The following NHSL1 variants were observed in gnomAD, a reference collection of about 807,000 sequenced individuals.
NHSL1 encodes the protein NHS-like protein 1.
A neutral mutation model predicts 95.0 loss-of-function variants in NHSL1; 48 were observed. That is an observed-to-expected ratio of 0.51 (90% confidence interval 0.40 to 0.64). The LOEUF (loss-of-function observed/expected upper bound fraction) is 0.64, where lower values mean the gene tolerates loss of function less well. Ranked by LOEUF, NHSL1 falls within the 30% of genes least tolerant of loss-of-function variation. The pLI is 0.00. For synonymous variants in NHSL1, 783 were observed against 833.9 expected, an observed-to-expected ratio of 0.94 and a Z score of 1.05; for missense variants, 1,971 against 2,077.7, an observed-to-expected ratio of 0.95 and a Z score of 1.00.
At chr6:138,435,929 T>G (rs1776065579) in intron 5 of NHSL1, among the ~76,000 whole-genome samples, 1 of 152,156 alleles carries the variant, frequency 6.6e-6, no homozygotes, top group South Asian at 2.1e-4. Flanking sequence ...ATTACTATTG[T>G]AATTGTTTTG....
intron 1 of NHSL1, among the ~76,000 whole-genome samples, chr6:138,658,825 C>T (rs1297759652): frequency 1.3e-5 from 2 of 152,092 alleles, no homozygotes; most frequent in Non-Finnish European, 2.9e-5. Flanking sequence ...AAAGGAATTT[C>T]TTGGAGCTAG....
At chr6:138,640,451 C>T (rs368907572) in intron 1 of NHSL1, among the ~76,000 whole-genome samples, 7 of 152,172 alleles carry the variant, frequency 4.6e-5, no homozygotes, top group Non-Finnish European at 8.8e-5. Flanking sequence ...AGATTTTCTT[C>T]GGCCTCTGCC....
chr6:138,610,288 C>T (rs1019691774), intron 1 of NHSL1, among the ~76,000 whole-genome samples: 2 of 152,086 alleles, frequency 1.3e-5, no homozygotes, highest in Middle Eastern at 3.4e-3. Context: ...ACTATCGCAA[C>T]GACAAACAAC....
chr6:138,531,912 G>A (rs1041028211), intron 1 of NHSL1, among the ~76,000 whole-genome samples: 4 of 152,094 alleles, frequency 2.6e-5, no homozygotes, highest in African/African-American at 9.7e-5. Flanking sequence ...CAACATTTAT[G>A]TGCTTCTTGG....
intron 5 of NHSL1, among the ~76,000 whole-genome samples, chr6:138,436,951 C>T (rs986051457): frequency 1.3e-5 from 2 of 151,736 alleles, no homozygotes; most frequent in African/African-American, 4.8e-5. Context: ...ATCTACTGCT[C>T]AGAAAAAAAA....
In NHSL1 at chr6:138,568,032, A is replaced by G. The variant is rs141718489; in HGVS notation, c.202+3678T>C. On this transcript the variant is annotated intron_variant, in intron 1 of 6. Transcript: ENST00000427025. ...TCTTTTAGTTTTATTTGAGTGAGCA[A>G]GAAAGGGAAAGCACAGAATAAATAC... is the stretch of plus-strand genomic sequence containing the variant. Among the ~76,000 whole-genome samples the G allele has an allele frequency of 1.9e-3, 295 of 152,326 alleles. 2 individuals carry two copies. Among genetic ancestry groups the G allele is most frequent in the African/African-American group, 6.9e-3 (285 of 41,566 alleles).
At chr6:138,466,561 T>C (rs1562299092) in intron 3 of NHSL1, among the ~76,000 whole-genome samples, 1 of 152,184 alleles carries the variant, frequency 6.6e-6, no homozygotes, top group Non-Finnish European at 1.5e-5. Flanking sequence ...TATGCCACTT[T>C]CTAACAGAGC....
At chr6:138,644,728 G>C (rs1784995366) in intron 1 of NHSL1, among the ~76,000 whole-genome samples, 1 of 152,108 alleles carries the variant, frequency 6.6e-6, no homozygotes, top group Non-Finnish European at 1.5e-5. Context: ...CAAAATGAAG[G>C]AGACAAACGA....
intron 4 of NHSL1, among the ~76,000 whole-genome samples, chr6:138,442,975 G>C (rs1188147774): frequency 6.6e-6 from 1 of 151,866 alleles, no homozygotes; most frequent in Non-Finnish European, 1.5e-5. Flanking sequence ...TTACAGCACT[G>C]ACCTTTTTGA....
intron 1 of NHSL1, among the ~76,000 whole-genome samples, chr6:138,690,143 TA>T (rs1431129271): frequency 7.9e-5 from 12 of 152,224 alleles, no homozygotes; most frequent in East Asian, 1.9e-4. Flanking sequence ...ATTCCAAGTC[TA>T]AAAGTCTAGC....
At chr6:138,427,257 T>C (rs770639969) in intron 7 of NHSL1, among the ~76,000 whole-genome samples, 2 of 152,200 alleles carry the variant, frequency 1.3e-5, no homozygotes, top group African/African-American at 2.4e-5. Context: ...CTGAGCAACA[T>C]GGTGAAACCA....
At chr6:138,650,473 C>A (rs1785076018) in intron 1 of NHSL1, 1 of 953,580 alleles carries the variant, frequency 1.0e-6, no homozygotes, top group Non-Finnish European at 1.6e-6. Context: ...ATGGCCAGGG[C>A]CTGGTGGAGG....
chr6:138,632,700 C>T (rs2114663082), intron 1 of NHSL1, among the ~76,000 whole-genome samples: 1 of 152,242 alleles, frequency 6.6e-6, no homozygotes, highest in Non-Finnish European at 1.5e-5. Flanking sequence ...AGCACAACAC[C>T]CAAGTCCTTT....
Position 138,422,676 on chromosome 6 carries a change from A to G in NHSL1, c.*1405T>C, listed in dbSNP as rs181677928. On this transcript the variant is annotated 3_prime_UTR_variant, in exon 8 of 8. Transcript: ENST00000343505. Reference sequence around the variant, plus strand: ...TAATGAGATTATTACATTAAAATAAAGACTTCACACACGTGTGTCCCATGT... The same window carrying G: ...TAATGAGATTATTACATTAAAATAAGGACTTCACACACGTGTGTCCCATGT... 2 of 152,378 alleles carry G rather than the reference A, an allele frequency of 1.3e-5. No individual in the cohort carries two copies. The highest frequency in any genetic ancestry group is 3.9e-4 in the East Asian group (2 of 5,190). The allele number at this position is 152,378 out of a possible 1,614,324, so 9.4% of individuals were successfully genotyped here. A position where few individuals can be genotyped will look rare whatever the true frequency, so the allele number is the denominator to read the frequency against.
At chr6:138,657,585 A>G (rs995335385) in intron 1 of NHSL1, among the ~76,000 whole-genome samples, 4 of 151,990 alleles carry the variant, frequency 2.6e-5, no homozygotes, top group Non-Finnish European at 5.9e-5. Flanking sequence ...AGGCCGAGGC[A>G]GGCGGATCAC....
chr6:138,640,554 G>A (rs1242113688), intron 1 of NHSL1, among the ~76,000 whole-genome samples: 1 of 151,986 alleles, frequency 6.6e-6, no homozygotes, highest in African/African-American at 2.4e-5. Context: ...TTCCACTAAT[G>A]AATAGTAAAT....
At chr6:138,616,248 A>C (rs532647109) in intron 1 of NHSL1, among the ~76,000 whole-genome samples, 10 of 152,320 alleles carry the variant, frequency 6.6e-5, no homozygotes, top group African/African-American at 2.2e-4. Context: ...CGGCACACCT[A>C]AATTGTTATT....
At chr6:138,593,262 C>T (rs144249685) in intron 1 of NHSL1, among the ~76,000 whole-genome samples, 79 of 152,332 alleles carry the variant, frequency 5.2e-4, no homozygotes, top group African/African-American at 1.9e-3. Flanking sequence ...ACTAGAATCC[C>T]GTTGTCCTTG....
exon 1 of NHSL1, chr6:138,572,035 G>C (rs1389601441): frequency 2.9e-6 from 2 of 699,572 alleles, no homozygotes; most frequent in East Asian, 2.7e-5. Flanking sequence ...TGACAGTCAG[G>C]CACCGCATTA....
Sources: allele counts gnomAD v4.1 joint callset (sites outside exome capture counted in the v4.1 genomes callset), GRCh38; gene constraint gnomAD v4.1.1; transcripts MANE v1.5; gene names NCBI Gene and HGNC (gene_info 2026-07-23, HGNC 2026-07-21).